Variants in CDC5L observed in about 807,000 individuals in gnomAD.
The protein encoded by CDC5L is cell division cycle 5-like protein.
Under a neutral mutation model 104.1 loss-of-function variants are expected in CDC5L, and 18 were observed. That is an observed-to-expected ratio of 0.17 (90% confidence interval 0.12 to 0.26). CDC5L has a LOEUF of 0.26. Among genes scored for constraint, CDC5L ranks in the 10% least tolerant of loss-of-function variants. The probability of loss-of-function intolerance (pLI) is 1.00; values close to 1 mark genes in which losing one functional copy is unlikely to be tolerated. For missense variants in CDC5L, 673 were observed against 956.9 expected (o/e 0.70, Z 3.91); for synonymous variants, 331 against 322.7 (o/e 1.03, Z -0.28).
intron 5 of CDC5L, among the ~76,000 whole-genome samples, chr6:44,401,378 T>A (rs1305020914): frequency 2.6e-5 from 4 of 152,150 alleles, no homozygotes; most frequent in African/African-American, 4.8e-5. Flanking sequence ...GCTCCAGTAT[T>A]CTCAGCAGCA....
chr6:44,446,022 A>T (rs924765624), intron 15 of CDC5L, among the ~76,000 whole-genome samples, 155 bp downstream of exon 15: 1 of 152,156 alleles, frequency 6.6e-6, no homozygotes, highest in African/African-American at 2.4e-5. Flanking sequence ...CTAATCTAGA[A>T]TTGCCTCTGT....
At position 44,449,249 on chromosome 6, in the gene CDC5L, G is replaced by A. The variant is rs975694608; in HGVS notation, c.*2538G>A. On this transcript the variant is annotated 3_prime_UTR_variant, in exon 16 of 16. Transcript: ENST00000371477. ...TGTAAACTGCATATGCATTTGCCAG[G>A]TAGTGGTGCCACTTGAAATGGTGAA... is the stretch of plus-strand genomic sequence containing the variant. 1.3e-5 allele frequency: 2 copies of A among 152,192 alleles called. No homozygotes were observed. Among genetic ancestry groups the A allele is most frequent in the Non-Finnish European group, 2.9e-5 (2 of 68,040 alleles). 9.4% of individuals were successfully genotyped at this position (152,192 alleles called of 1,614,324 possible).
chr6:44,407,391 A>G (rs1036781048), intron 7 of CDC5L, among the ~76,000 whole-genome samples: 1 of 149,130 alleles, frequency 6.7e-6, no homozygotes, highest in Non-Finnish European at 1.5e-5. Context: ...CCGTGGTGCC[A>G]TCTAGGCTCA....
At chr6:44,414,426 G>A (rs1428854761) in intron 8 of CDC5L, among the ~76,000 whole-genome samples, 1,457 of 76,074 alleles carry the variant, frequency 0.019, 28 homozygotes, top group African/African-American at 0.058. Flanking sequence ...GTGTGTGTGT[G>A]TGTGTATTTT....
At chr6:44,411,896 T>G (rs1387344134) in intron 8 of CDC5L, among the ~76,000 whole-genome samples, 1 of 152,134 alleles carries the variant, frequency 6.6e-6, no homozygotes, top group East Asian at 1.9e-4. Context: ...AAGGAATGTG[T>G]TTCAGGGTGT....
intron 4 of CDC5L, among the ~76,000 whole-genome samples, chr6:44,394,598 G>A (rs897725643): frequency 5.3e-5 from 8 of 152,058 alleles, no homozygotes; most frequent in African/African-American, 1.9e-4. Context: ...GCTCACGCCT[G>A]TAATCCCAGC....
intron 12 of CDC5L, 104 bp from the exon 13 acceptor site, chr6:44,426,378 C>T (rs1792422602): frequency 6.0e-6 from 5 of 833,166 alleles, no homozygotes; most frequent in Non-Finnish European, 9.3e-6. Context: ...ATGGAAATTG[C>T]TTTTGAAAAT....
intron 14 of CDC5L, 96 bp from the exon 15 acceptor site, chr6:44,445,559 G>GAA: frequency 1.3e-6 from 1 of 764,732 alleles, no homozygotes; most frequent in Non-Finnish European, 2.1e-6. Flanking sequence ...TTTTTGCTTT[G>GAA]AGACACATAC....
chr6:44,418,330 C>T (rs1298187493), intron 8 of CDC5L, among the ~76,000 whole-genome samples: 20 of 152,178 alleles, frequency 1.3e-4, no homozygotes, highest in Admixed American at 2.6e-4. Context: ...ATGAACTCAT[C>T]ATTTTTTATG....
intron 14 of CDC5L, among the ~76,000 whole-genome samples, chr6:44,431,783 C>T (rs1243250872): frequency 2.0e-5 from 3 of 152,150 alleles, no homozygotes; most frequent in Non-Finnish European, 4.4e-5. Context: ...AGAGCCACTC[C>T]TGTTCTTTTG....
At chr6:44,394,084 CAGTTAATTA>C (rs1445318201) in intron 4 of CDC5L, among the ~76,000 whole-genome samples, 1 of 152,218 alleles carries the variant, frequency 6.6e-6, no homozygotes, top group South Asian at 2.1e-4. Flanking sequence ...TTCTTCAATT[CAGTTAATTA>C]AGTTAATTAA....
intron 5 of CDC5L, among the ~76,000 whole-genome samples, chr6:44,399,946 G>A (rs1165648889): frequency 6.6e-6 from 1 of 151,720 alleles, no homozygotes; most frequent in Non-Finnish European, 1.5e-5. Flanking sequence ...CACCACACCT[G>A]GCTACTTTAT....
At chr6:44,396,966 T>G (rs1790897379) in intron 5 of CDC5L, among the ~76,000 whole-genome samples, 1 of 152,234 alleles carries the variant, frequency 6.6e-6, no homozygotes, top group South Asian at 2.1e-4. Flanking sequence ...GTTCACCTTT[T>G]CGGAAGCCCC....
chr6:44,399,433 T>C (rs1791017709), intron 5 of CDC5L, among the ~76,000 whole-genome samples: 1 of 152,236 alleles, frequency 6.6e-6, no homozygotes, highest in African/African-American at 2.4e-5. Flanking sequence ...TATTTAATTC[T>C]GCTCCTTTCA....
chr6:44,416,069 G>GT (rs1445485669), intron 8 of CDC5L, among the ~76,000 whole-genome samples: 12 of 152,168 alleles, frequency 7.9e-5, no homozygotes, highest in Non-Finnish European at 1.8e-4. Flanking sequence ...GTAGCTAGGG[G>GT]TAAGAGGAGT....
intron 8 of CDC5L, 41 bp downstream of exon 8, chr6:44,408,673 A>G (rs2153378054): frequency 6.9e-7 from 1 of 1,459,494 alleles, no homozygotes; most frequent in Non-Finnish European, 9.4e-7. Flanking sequence ...TACTTTGTTT[A>G]TTGTCCTTAG....
At chr6:44,418,940 T>G (rs372580725) in intron 8 of CDC5L, among the ~76,000 whole-genome samples, 1 of 151,846 alleles carries the variant, frequency 6.6e-6, no homozygotes, top group African/African-American at 2.4e-5. Context: ...TTCTCCCATT[T>G]TGTAGGTTGC....
At chr6:44,395,561 G>A (rs1316848037) in intron 4 of CDC5L, among the ~76,000 whole-genome samples, 1 of 152,188 alleles carries the variant, frequency 6.6e-6, no homozygotes, top group South Asian at 2.1e-4. Flanking sequence ...TATTTGTTAA[G>A]TTTCTAAAAT....
chr6:44,423,588 G>A (rs530065091), intron 10 of CDC5L, among the ~76,000 whole-genome samples: 1 of 152,148 alleles, frequency 6.6e-6, no homozygotes, highest in Admixed American at 6.5e-5. Flanking sequence ...TCTGAAGGAG[G>A]GTGGGGGCTG....
Sources: allele counts gnomAD v4.1 joint callset (sites outside exome capture counted in the v4.1 genomes callset), GRCh38; gene constraint gnomAD v4.1.1; transcripts MANE v1.5; gene names NCBI Gene and HGNC (gene_info 2026-07-23, HGNC 2026-07-21).